The following MBP variants were observed in gnomAD, a reference collection of about 807,000 sequenced individuals.
MBP encodes the protein myelin basic protein, also known as Golli-MBP.
In MBP, 16 loss-of-function variants were observed where a neutral mutation model predicts 35.8. The observed-to-expected ratio is 0.45, with a 90% CI of 0.30 to 0.68. The LOEUF (loss-of-function observed/expected upper bound fraction) is 0.68. Ranked by LOEUF, MBP falls within the 30% of genes least tolerant of loss-of-function variation. The pLI is 0.08. For missense variants in MBP, 380 were observed against 404.7 expected (o/e 0.94, Z 0.52); for synonymous variants, 143 against 159.6 (o/e 0.90, Z 0.78).
intron 2 of MBP, among the ~76,000 whole-genome samples, chr18:77,072,271 G>A (rs1024915295): frequency 7.2e-5 from 11 of 152,124 alleles, no homozygotes; most frequent in African/African-American, 2.7e-4. Flanking sequence ...ATTTCAGAGG[G>A]GATGCTACTA....
At chr18:77,026,837 G>A (rs778471398) in intron 3 of MBP, among the ~76,000 whole-genome samples, 2 of 152,182 alleles carry the variant, frequency 1.3e-5, no homozygotes, top group Non-Finnish European at 2.9e-5. Context: ...CTGCACTCCA[G>A]CATGGGCAAC....
chr18:77,033,082 C>A (rs1972601422), intron 3 of MBP, among the ~76,000 whole-genome samples: 1 of 152,186 alleles, frequency 6.6e-6, no homozygotes, highest in Non-Finnish European at 1.5e-5. Flanking sequence ...ATTCTCCTGC[C>A]TCAGCCTCCT....
At chr18:76,984,659 G>T in intron 8 of MBP, 116 bp downstream of exon 8, 6 of 1,432,502 alleles carry the variant, frequency 4.2e-6, no homozygotes, top group Non-Finnish European at 5.8e-6. Flanking sequence ...GACAGAGCAC[G>T]TCCAGGGTAC....
intron 2 of MBP, among the ~76,000 whole-genome samples, chr18:77,079,444 G>C (rs1021037252): frequency 6.6e-6 from 1 of 152,212 alleles, no homozygotes; most frequent in Non-Finnish European, 1.5e-5. Flanking sequence ...ACAATGTTTA[G>C]GGAGAATTAT....
At chr18:76,992,881 G>A (rs538529674) in intron 4 of MBP, among the ~76,000 whole-genome samples, 33 of 152,128 alleles carry the variant, frequency 2.2e-4, no homozygotes, top group African/African-American at 8.0e-4. Context: ...CCCTGGCCCC[G>A]ACCATCTTCC....
chr18:77,047,331 G>A (rs1418337113), intron 3 of MBP, among the ~76,000 whole-genome samples: 8 of 152,218 alleles, frequency 5.3e-5, no homozygotes, highest in Non-Finnish European at 8.8e-5. Flanking sequence ...ACTAGCGTGC[G>A]CTACTCCATG....
intron 4 of MBP, among the ~76,000 whole-genome samples, chr18:76,998,881 T>A (rs1308625321): frequency 1.3e-5 from 2 of 152,042 alleles, no homozygotes; most frequent in African/African-American, 4.8e-5. Context: ...AGCTCAATTG[T>A]AGAAACGCAC....
At chr18:77,107,372 G>A (rs1976312253) in intron 1 of MBP, among the ~76,000 whole-genome samples, 1 of 151,978 alleles carries the variant, frequency 6.6e-6, no homozygotes, top group Non-Finnish European at 1.5e-5. Context: ...GTGAGCCCTC[G>A]CCTGCCCAGT....
chr18:77,069,480 A>G (rs1332989740), intron 2 of MBP, among the ~76,000 whole-genome samples: 1 of 152,140 alleles, frequency 6.6e-6, no homozygotes, highest in Non-Finnish European at 1.5e-5. Context: ...TCATAGATGC[A>G]TTTTCTTCAT....
At chr18:76,981,285 C>T (rs1287266498) in intron 8 of MBP, 1 of 152,170 alleles carries the variant, frequency 6.6e-6, no homozygotes, top group African/African-American at 2.4e-5. Flanking sequence ...TGGGTTTCCC[C>T]TCTTTTATGA....
intron 3 of MBP, among the ~76,000 whole-genome samples, chr18:77,048,368 G>A (rs1240960552): frequency 2.6e-5 from 4 of 152,260 alleles, no homozygotes; most frequent in Non-Finnish European, 5.9e-5. Context: ...TCCAACTGGA[G>A]AAGAGAAAAA....
chr18:77,085,091 C>T (rs1975167904), intron 2 of MBP, among the ~76,000 whole-genome samples: 1 of 151,904 alleles, frequency 6.6e-6, no homozygotes, highest in South Asian at 2.1e-4. Flanking sequence ...GGCCGTTATT[C>T]AGTTCAAAAG....
intron 4 of MBP, 114 bp from the exon 5 acceptor site, chr18:76,990,174 C>G: frequency 3.2e-6 from 2 of 630,676 alleles, no homozygotes; most frequent in Non-Finnish European, 5.6e-6. Context: ...TTTTTTTTAA[C>G]AGTCAGGAAT....
At chr18:77,017,973 C>A (rs1336701440) in intron 3 of MBP, among the ~76,000 whole-genome samples, 1 of 152,230 alleles carries the variant, frequency 6.6e-6, no homozygotes, top group Non-Finnish European at 1.5e-5. Flanking sequence ...GCAATGAATC[C>A]ATTTTGCTTT....
At chr18:77,088,404 G>A (rs148723466) in intron 2 of MBP, among the ~76,000 whole-genome samples, 26 of 152,268 alleles carry the variant, frequency 1.7e-4, no homozygotes, top group Admixed American at 2.6e-4. Flanking sequence ...ACATTGTCAC[G>A]TTGGGTGCTA....
chr18:77,102,632 A>G lies in MBP; in HGVS notation c.51+2579T>C, dbSNP rs1437786271. ...CAAAAGCCTCAGCATGGGCTTTGCT[A>G]TGGCTCAAAATCTTACTCTGATAGC... On this transcript the variant is annotated intron_variant, in intron 2 of 8. Coordinates refer to ENST00000355994, the MANE Select transcript of MBP (RefSeq NM_001025101.2). This position sits in a 1 kb window ranked among gnomAD's most constrained non-coding sequence, Gnocchi z 4.4. Among the ~76,000 whole-genome samples the G allele has an allele frequency of 2.0e-5, 3 of 152,248 alleles. No homozygotes were observed. Among genetic ancestry groups the G allele is most frequent in the African/African-American group, 7.2e-5 (3 of 41,472 alleles).
chr18:77,110,427 T>C (rs1434314214), intron 1 of MBP: 1 of 151,904 alleles, frequency 6.6e-6, no homozygotes, highest in Non-Finnish European at 1.5e-5. Context: ...CTTCTTCTTA[T>C]AGATCAGGGG....
rs184162728 is a variant in MBP at position 77,043,387 on chromosome 18, C to G, written c.139+22911G>C. 9.2e-5 allele frequency among the ~76,000 whole-genome samples: 14 copies of G among 152,318 alleles called. No homozygotes were observed. In the East Asian group the frequency reaches 2.3e-3, roughly 25 times the overall value. On this transcript the variant is annotated intron_variant, in intron 3 of 8. Transcript: ENST00000355994. ...AATACGATTGTCTCTTTAAATCTCA[C>G]TGTAACATTTTTCTGTTTTTATCGC...
In MBP at chr18:77,105,301, GAA is replaced by G. The variant is rs1325069909; in HGVS notation, c.-25-17_-25-16del. 39 of 1,537,062 alleles carry G rather than the reference GAA, an allele frequency of 2.5e-5. No homozygotes were observed. Among genetic ancestry groups the G allele is most frequent in the Non-Finnish European group, 3.4e-5 (38 of 1,110,988 alleles). On this transcript the variant is annotated splice_polypyrimidine_tract_variant and intron_variant, in intron 1 of 8. Coordinates refer to ENST00000355994, the MANE Select transcript of MBP (RefSeq NM_001025101.2). ...CTCTTCAGAGGCTAAAAGAGAAAGA[GAA>G]AGTGTCAGCCCTAAGTCTAGTGCTC...
Sources: gnomAD v4.1 joint callset for allele counts (sites outside exome capture counted in the v4.1 genomes callset) on GRCh38, gnomAD v4.1.1 for gene constraint, Gnocchi (gnomAD v3.1) non-coding constraint, MANE v1.5 for transcripts, NCBI Gene and HGNC (gene_info 2026-07-23, HGNC 2026-07-21) for gene names.